The following DNAJC13 variants were observed in gnomAD, a reference collection of about 807,000 sequenced individuals.
The protein encoded by DNAJC13 is DnaJ heat shock protein family (Hsp40) member C13.
In DNAJC13, 75 loss-of-function variants were observed where a neutral mutation model predicts 290.5. The ratio of observed to expected loss-of-function variants is 0.26; its 90% CI spans 0.21 to 0.31. DNAJC13 has a LOEUF of 0.31. DNAJC13 is among the 10% of genes least tolerant of loss of function. The probability of loss-of-function intolerance (pLI) is 1.00; values close to 1 mark genes in which losing one functional copy is unlikely to be tolerated. For synonymous variants in DNAJC13, 862 were observed against 892.0 expected (o/e 0.97, Z 0.60); for missense variants, 2,260 against 2,674.5 (o/e 0.85, Z 3.42).
intron 2 of DNAJC13, among the ~76,000 whole-genome samples, chr3:132,444,189 G>A (rs900608970): frequency 6.6e-6 from 1 of 152,092 alleles, no homozygotes; most frequent in East Asian, 1.9e-4. Flanking sequence ...CATGCCTGAC[G>A]ATCTGAGGTG....
chr3:132,420,993 G>A (rs764007176), intron 1 of DNAJC13, among the ~76,000 whole-genome samples: 7 of 152,168 alleles, frequency 4.6e-5, no homozygotes, highest in East Asian at 3.8e-4. Flanking sequence ...GAACTGTTTT[G>A]TACATGTTAA....
Position 132,523,565 on chromosome 3 carries a change from T to G in DNAJC13, c.5912T>G (p.Phe1971Cys), listed in dbSNP as rs774749637. ...TTGCCTGAAGATTTTGCTGTGGTGT[T>G]TGGAGAAGCAGAGGGTGAACTTGCT... ...WKLPEDFAVVFGEAEGELAVG... is the reference protein window; with the variant it reads ...WKLPEDFAVVCGEAEGELAVG... The change falls in exon 51 of 56, where the codon TTT becomes TGT. Residue 1971 changes from phenylalanine to cysteine, a missense_variant. Phe to Cys is a radical substitution (Grantham distance 205). This residue lies in a region of DNAJC13 where 1,494 missense variants were observed against 1,693.7 expected (regional missense o/e 0.88). Coordinates refer to ENST00000260818, the MANE Select transcript of DNAJC13 (RefSeq NM_015268.4). The G allele has an allele frequency of 6.2e-7, 1 of 1,613,876 alleles. No individual in the cohort carries two copies.
At chr3:132,464,444 C>T (rs1382084934) in intron 17 of DNAJC13, among the ~76,000 whole-genome samples, 1 of 152,120 alleles carries the variant, frequency 6.6e-6, no homozygotes, top group East Asian at 1.9e-4. Flanking sequence ...TATTATGACT[C>T]ATATTAGTAA....
chr3:132,519,045 A>G (rs1486036519), intron 48 of DNAJC13, among the ~76,000 whole-genome samples: 5 of 152,216 alleles, frequency 3.3e-5, no homozygotes, highest in African/African-American at 4.8e-5. Flanking sequence ...GTGTTTTGGT[A>G]TCCATTTATC....
At position 132,506,541 on chromosome 3, in the gene DNAJC13, C is replaced by CTTTTTTTTTTTTTTTTTTTTTTT. The variant is rs34151394; in HGVS notation, c.4999-689_4999-667dup. Among the ~76,000 whole-genome samples the CTTTTTTTTTTTTTTTTTTTTTTT allele has an allele frequency of 1.1e-4, 6 of 54,754 alleles. 1 individual carries two copies. The highest frequency in any genetic ancestry group is 1.6e-4 in the Non-Finnish European group (5 of 31,838). 35.9% of individuals were successfully genotyped at this position (54,754 alleles called of 152,430 possible). A position where few individuals can be genotyped will look rare whatever the true frequency, so the allele number is the denominator to read the frequency against. On this transcript the variant is annotated intron_variant, in intron 42 of 55. Transcript: ENST00000260818. ...TTTAGCACTTTTGTTCAGTGTATTACTTTTTTTTTTTTTTTTTTTTTTTTT... is the reference window on the plus strand; with the variant it reads ...TTTAGCACTTTTGTTCAGTGTATTACTTTTTTTTTTTTTTTTTTTTTTTTTTTTTTTTTTTTTTTTTTTTTTTT...
chr3:132,446,696 T>C, intron 3 of DNAJC13, 146 bp downstream of exon 3: 1 of 536,786 alleles, frequency 1.9e-6, no homozygotes. Flanking sequence ...CATAATACTC[T>C]GATTTGGGGA....
intron 55 of DNAJC13, among the ~76,000 whole-genome samples, chr3:132,532,373 C>G (rs1419007825): frequency 6.6e-6 from 1 of 152,132 alleles, no homozygotes; most frequent in East Asian, 1.9e-4. Flanking sequence ...ACCATAACCA[C>G]TTTAATATTG....
At chr3:132,520,168 A>G (rs559440735) in intron 48 of DNAJC13, among the ~76,000 whole-genome samples, 1 of 152,316 alleles carries the variant, frequency 6.6e-6, no homozygotes, top group African/African-American at 2.4e-5. Context: ...TCAATATTCT[A>G]TCCTTTGTGG....
At chr3:132,472,128 CGGCAGGCTGA>C (rs1278246675) in intron 20 of DNAJC13, among the ~76,000 whole-genome samples, 2 of 149,244 alleles carry the variant, frequency 1.3e-5, no homozygotes, top group Non-Finnish European at 3.0e-5. Context: ...GGCAGGCACT[CGGCAGGCTGA>C]GGCAGGAGAA....
chr3:132,468,527 G>T (rs1327665825), intron 20 of DNAJC13, among the ~76,000 whole-genome samples: 1 of 152,128 alleles, frequency 6.6e-6, no homozygotes, highest in Non-Finnish European at 1.5e-5. Context: ...GCTTTCAAGT[G>T]ACTATGTAGT....
In DNAJC13 at chr3:132,507,338, T is replaced by C. The variant is rs1173285553; in HGVS notation, c.5100T>C (p.Pro1700=). The C allele has an allele frequency of 1.3e-6, 2 of 1,598,620 alleles. No homozygotes were observed. Among genetic ancestry groups the C allele is most frequent in the South Asian group, 2.2e-5 (2 of 90,464 alleles). ...TTGTTAGGGTGTATAATGAAGTTCC[T>C]ACTTTCCAACTGGAGGTAAGCTCTC... ...EIFVRVYNEV[P]TFQLEVPKAF... is the part of the protein sequence containing the mutation. The change falls in exon 43 of 56, where the codon CCT becomes CCC. Residue 1700 remains proline, a synonymous_variant. Coordinates refer to ENST00000260818, the MANE Select transcript of DNAJC13 (RefSeq NM_015268.4).
intron 1 of DNAJC13, among the ~76,000 whole-genome samples, chr3:132,426,182 C>T (rs1939084756): frequency 6.6e-6 from 1 of 152,158 alleles, no homozygotes; most frequent in African/African-American, 2.4e-5. Context: ...CTGAATTTGA[C>T]TTTTTAACCC....
chr3:132,496,638 C>T lies in DNAJC13; in HGVS notation c.4131C>T (p.Ser1377=). The change falls in exon 36 of 56, where the codon AGC becomes AGT. Residue 1377 remains serine (S), a synonymous_variant. Coordinates refer to ENST00000260818, the MANE Select transcript of DNAJC13 (RefSeq NM_015268.4). The stretch of plus-strand genomic sequence containing the variant: ...TAATTTTAATTCTAAAAACACAGAG[C>T]ATCCTCTTCAACCGTCATAAAGAAG... ...ENIILILKTQ[S]ILFNRHKEDL... The T allele has an allele frequency of 6.2e-7, 1 of 1,609,744 alleles. No individual in the cohort carries two copies. The highest frequency in any genetic ancestry group is 8.5e-7 in the Non-Finnish European group (1 of 1,178,296).
At chr3:132,533,386 A>T (rs1316531934) in intron 55 of DNAJC13, among the ~76,000 whole-genome samples, 1 of 127,006 alleles carries the variant, frequency 7.9e-6, no homozygotes, top group East Asian at 2.5e-4. Context: ...CCCAGGCTGG[A>T]GTACTACAGC....
chr3:132,483,914 G>A (rs1934768155), intron 28 of DNAJC13, among the ~76,000 whole-genome samples: 2 of 152,178 alleles, frequency 1.3e-5, no homozygotes, highest in East Asian at 1.9e-4. Flanking sequence ...GATCTGACAC[G>A]CTAGCTATTT....
chr3:132,461,637 C>T (rs1021878697), intron 15 of DNAJC13, among the ~76,000 whole-genome samples: 30 of 152,086 alleles, frequency 2.0e-4, no homozygotes, highest in Non-Finnish European at 1.9e-4. Flanking sequence ...GATGGGTGTT[C>T]ACTGCTGTTT....
chr3:132,421,324 A>G (rs1471444288), intron 1 of DNAJC13, among the ~76,000 whole-genome samples: 3 of 152,216 alleles, frequency 2.0e-5, no homozygotes, highest in African/African-American at 7.2e-5. Flanking sequence ...ATCCTGTTAA[A>G]ATTCACATGA....
intron 54 of DNAJC13, among the ~76,000 whole-genome samples, chr3:132,528,942 A>T (rs1936336484): frequency 6.6e-6 from 1 of 151,944 alleles, no homozygotes; most frequent in Admixed American, 6.6e-5. Context: ...CCATCTACTA[A>T]TGCTCATTTT....
chr3:132,483,303 AT>A, intron 27 of DNAJC13, 71 bp from the exon 28 acceptor site: 1 of 1,272,882 alleles, frequency 7.9e-7, no homozygotes, highest in Non-Finnish European at 1.1e-6. Context: ...TGTATTTACT[AT>A]AAAGTAGAAA....
Sources: gnomAD v4.1 joint callset for allele counts (sites outside exome capture counted in the v4.1 genomes callset) on GRCh38, gnomAD v4.1.1 for gene constraint, gnomAD v4.1.1 regional missense constraint, MANE v1.5 for transcripts, NCBI Gene and HGNC (gene_info 2026-07-23, HGNC 2026-07-21) for gene names.